Variants in GRID2 observed in about 807,000 individuals in gnomAD.
GRID2 encodes glutamate receptor ionotropic, delta-2.
GRID2 carries 33 observed loss-of-function variants against 114.8 expected under a neutral mutation model. That is an observed-to-expected ratio of 0.29 (90% CI 0.22 to 0.38). GRID2 has a LOEUF of 0.38. Among genes scored for constraint, GRID2 ranks in the 10% least tolerant of loss-of-function variants. The pLI is 1.00. For missense variants in GRID2, 1,184 were observed against 1,257.7 expected, an observed-to-expected ratio of 0.94 and a Z score of 0.89; for synonymous variants, 505 against 449.9, an observed-to-expected ratio of 1.12 and a Z score of -1.55.
intron 14 of GRID2, among the ~76,000 whole-genome samples, chr4:93,652,784 TAAAAAAA>T (rs200098114): frequency 0.069 from 5,961 of 86,310 alleles, 132 homozygotes; most frequent in Non-Finnish European, 0.081. Flanking sequence ...CAGTAAATGC[TAAAAAAA>T]AAAAAAAAAA....
At chr4:93,127,396 A>C (rs578175225) in intron 4 of GRID2, among the ~76,000 whole-genome samples, 1 of 152,346 alleles carries the variant, frequency 6.6e-6, no homozygotes, top group African/African-American at 2.4e-5. Context: ...TAAATGAAAA[A>C]GAAAAAGAAA....
chr4:92,440,410 C>T (rs1240880087), intron 1 of GRID2, among the ~76,000 whole-genome samples: 1 of 151,192 alleles, frequency 6.6e-6, no homozygotes, highest in Non-Finnish European at 1.5e-5. Flanking sequence ...CTCTACCTAT[C>T]CAGTGAAAGT....
rs191219968 is a variant in GRID2 at position 92,764,100 on chromosome 4, C to T, written c.244+173814C>T. 3.8e-3 allele frequency among the ~76,000 whole-genome samples: 574 copies of T among 152,252 alleles called. 4 individuals are homozygous for T. The highest frequency in any genetic ancestry group is 0.013 in the African/African-American group (531 of 41,532). ...TCATGGTCTAAGATGGTTGTCTGTGCTCTAGCGATTCCATCCATAATCTAA... is the reference window on the plus strand; with the variant it reads ...TCATGGTCTAAGATGGTTGTCTGTGTTCTAGCGATTCCATCCATAATCTAA... On this transcript the variant is annotated intron_variant, in intron 2 of 15. Coordinates refer to ENST00000282020, the MANE Select transcript of GRID2 (RefSeq NM_001510.4).
rs576400101 is a variant in GRID2, at chr4:92,660,941, G to A, written c.244+70655G>A. 8.0e-5 allele frequency among the ~76,000 whole-genome samples: 12 copies of A among 150,722 alleles called. No homozygotes were observed. In the East Asian group the frequency reaches 1.6e-3, roughly 20 times the overall value. On this transcript the variant is annotated intron_variant, in intron 2 of 15. Coordinates refer to ENST00000282020, the MANE Select transcript of GRID2 (RefSeq NM_001510.4). Reference sequence around the variant, plus strand: ...ATGATTAGAAATAATAGCTATTATCGGACCATTTTGGCTAACCTTTTTGGA... The same window carrying A: ...ATGATTAGAAATAATAGCTATTATCAGACCATTTTGGCTAACCTTTTTGGA...
chr4:93,599,374 G>A (rs1047367675), intron 13 of GRID2, among the ~76,000 whole-genome samples: 1 of 152,196 alleles, frequency 6.6e-6, no homozygotes, highest in Non-Finnish European at 1.5e-5. Flanking sequence ...CTCTTCAGGT[G>A]TACTTCAGGT....
At chr4:92,502,302 A>G (rs7683035) in intron 1 of GRID2, among the ~76,000 whole-genome samples, 63,373 of 151,964 alleles carry the variant, frequency 0.42, 14,533 homozygotes, top group African/African-American at 0.62. Flanking sequence ...TGTATTAAAA[A>G]GTGTAATTCA....
chr4:93,556,022 T>A (rs1389419529), intron 13 of GRID2, among the ~76,000 whole-genome samples: 6 of 152,174 alleles, frequency 3.9e-5, no homozygotes, highest in South Asian at 2.1e-4. Context: ...AGGGCCTGAC[T>A]GTTAGAAGGA....
At chr4:93,596,807 C>T (rs968367016) in intron 13 of GRID2, among the ~76,000 whole-genome samples, 4 of 152,164 alleles carry the variant, frequency 2.6e-5, no homozygotes, top group Admixed American at 2.6e-4. Flanking sequence ...TTTGATAGAT[C>T]AGATTTAATG....
chr4:92,837,792 G>C (rs765958605), intron 2 of GRID2, among the ~76,000 whole-genome samples: 1 of 152,070 alleles, frequency 6.6e-6, no homozygotes, highest in Non-Finnish European at 1.5e-5. Context: ...TTAATTGCAC[G>C]CAAATACATG....
chr4:93,132,452 A>G (rs1021900885), intron 4 of GRID2, among the ~76,000 whole-genome samples: 1 of 152,158 alleles, frequency 6.6e-6, no homozygotes, highest in Non-Finnish European at 1.5e-5. Flanking sequence ...AAACACCTGG[A>G]GGAATGAACT....
chr4:92,684,721 A>G (rs1336725448), intron 2 of GRID2, among the ~76,000 whole-genome samples: 1 of 152,106 alleles, frequency 6.6e-6, no homozygotes, highest in Non-Finnish European at 1.5e-5. Context: ...AGGTATTTGT[A>G]AAGCAGTTTT....
In GRID2 at chr4:93,014,032, C is replaced by G. The variant is rs543295429; in HGVS notation, c.245-70963C>G. Among the ~76,000 whole-genome samples the G allele has an allele frequency of 2.6e-5, 4 of 151,956 alleles. No homozygotes were observed. In the East Asian group the frequency reaches 7.8e-4, roughly 29 times the overall value. On this transcript the variant is annotated intron_variant, in intron 2 of 15. Transcript: ENST00000282020. ...TAAAACAATTTATATGATAATTGAACAAGCATAAAGTAAGATATTTGAGCA... is the reference window on the plus strand; with the variant it reads ...TAAAACAATTTATATGATAATTGAAGAAGCATAAAGTAAGATATTTGAGCA...
chr4:92,936,841 A>G lies in GRID2; in HGVS notation c.245-148154A>G, dbSNP rs1440693942. On this transcript the variant is annotated intron_variant, in intron 2 of 15. Transcript: ENST00000282020. The stretch of plus-strand genomic sequence containing the variant: ...CAAAGAAACTTAGCCAAATATATGT[A>G]TGTTTTGTTTGTTTGAATTTTGTTT... Among the ~76,000 whole-genome samples the G allele has an allele frequency of 1.4e-5, 2 of 146,480 alleles. 1 individual carries two copies. The highest frequency in any genetic ancestry group is 3.0e-5 in the Non-Finnish European group (2 of 66,228).
intron 14 of GRID2, among the ~76,000 whole-genome samples, chr4:93,754,602 A>G (rs1425274239): frequency 6.6e-6 from 1 of 152,216 alleles, no homozygotes; most frequent in African/African-American, 2.4e-5. Context: ...ACCATATACA[A>G]GGTAAAGATT....
At chr4:93,106,702 G>A (rs1285971618) in intron 3 of GRID2, among the ~76,000 whole-genome samples, 1 of 152,058 alleles carries the variant, frequency 6.6e-6, no homozygotes, top group African/African-American at 2.4e-5. Context: ...GAACTTACCA[G>A]TTGCCACATA....
chr4:93,268,313 G>A (rs1285673506), intron 8 of GRID2, among the ~76,000 whole-genome samples: 3 of 152,144 alleles, frequency 2.0e-5, no homozygotes, highest in Non-Finnish European at 2.9e-5. Context: ...TGGAGAGAGA[G>A]AGAATGAGCT....
At chr4:93,561,042 T>A (rs1188251724) in intron 13 of GRID2, among the ~76,000 whole-genome samples, 1 of 152,122 alleles carries the variant, frequency 6.6e-6, no homozygotes, top group Non-Finnish European at 1.5e-5. Flanking sequence ...AGCATTTAAA[T>A]ATATCCTTTT....
chr4:92,677,203 TAC>T (rs758549387), intron 2 of GRID2, among the ~76,000 whole-genome samples: 1 of 152,174 alleles, frequency 6.6e-6, no homozygotes, highest in African/African-American at 2.4e-5. Flanking sequence ...TGGTGATGAT[TAC>T]ACACAGTGTG....
intron 2 of GRID2, among the ~76,000 whole-genome samples, chr4:92,940,420 A>T (rs1270826542): frequency 6.7e-6 from 1 of 150,000 alleles, no homozygotes; most frequent in African/African-American, 2.4e-5. Context: ...TTGAGTTTGT[A>T]TCCTGAGACT....
Sources: gnomAD v4.1 joint callset for allele counts (sites outside exome capture counted in the v4.1 genomes callset) on GRCh38, gnomAD v4.1.1 for gene constraint, MANE v1.5 for transcripts, NCBI Gene and HGNC (gene_info 2026-07-23, HGNC 2026-07-21) for gene names.